EYS: variants seen among roughly 807,000 people sequenced by gnomAD.
EYS encodes the protein EGF-like photoreceptor maintenance factor.
EYS carries 250 observed loss-of-function variants against 282.1 expected under a neutral mutation model. The observed-to-expected ratio is 0.89, with a 90% CI of 0.80 to 0.98. EYS has a LOEUF of 0.98. EYS is among the 50% of genes least tolerant of loss of function. The probability of loss-of-function intolerance (pLI) is 0.00; values close to 1 mark genes in which losing one functional copy is unlikely to be tolerated. For synonymous variants in EYS, 1,355 were observed against 1,282.9 expected, an observed-to-expected ratio of 1.06 and a Z score of -1.20; for missense variants, 4,016 against 3,709.0, an observed-to-expected ratio of 1.08 and a Z score of -2.15.
At chr6:64,464,995 A>G (rs1775870928) in intron 26 of EYS, among the ~76,000 whole-genome samples, 1 of 151,980 alleles carries the variant, frequency 6.6e-6, no homozygotes, top group African/African-American at 2.4e-5. Flanking sequence ...TTGTTACAAA[A>G]TAAATAAATG....
chr6:64,057,545 T>C (rs1442828277), intron 33 of EYS, among the ~76,000 whole-genome samples: 1 of 152,164 alleles, frequency 6.6e-6, no homozygotes. Context: ...ACATTTCATT[T>C]TTAAAAAGTA....
At chr6:64,418,711 T>G (rs2150449286) in intron 28 of EYS, among the ~76,000 whole-genome samples, 1 of 152,294 alleles carries the variant, frequency 6.6e-6, no homozygotes, top group South Asian at 2.1e-4. Context: ...CATACCTGAG[T>G]TATTGGCAGA....
chr6:65,332,641 G>T (rs546702599), intron 11 of EYS, among the ~76,000 whole-genome samples: 165 of 151,306 alleles, frequency 1.1e-3, no homozygotes, highest in Non-Finnish European at 1.8e-3. Context: ...TGTAATATTG[G>T]CCTCATAAAA....
intron 1 of EYS, among the ~76,000 whole-genome samples, chr6:65,660,437 G>C (rs1222432561): frequency 6.6e-6 from 1 of 151,732 alleles, no homozygotes; most frequent in Non-Finnish European, 1.5e-5. Flanking sequence ...TCATAGGTAA[G>C]GAGTGGAAAA....
chr6:64,987,310 T>C (rs1770891240), intron 14 of EYS, among the ~76,000 whole-genome samples: 1 of 151,528 alleles, frequency 6.6e-6, no homozygotes, highest in African/African-American at 2.4e-5. Context: ...GAAACATAAA[T>C]CACTGTGGCT....
intron 28 of EYS, among the ~76,000 whole-genome samples, chr6:64,416,713 A>T (rs563305111): frequency 6.6e-6 from 1 of 152,270 alleles, no homozygotes; most frequent in Admixed American, 6.5e-5. Flanking sequence ...TTTTTGAGAC[A>T]TTAATGGTAC....
rs191846522 is a variant in EYS at position 63,778,167 on chromosome 6, A to G, written c.7737T>C (p.Thr2579=). The G allele has an allele frequency of 2.3e-3, 3,607 of 1,551,846 alleles. 4 individuals carry two copies. Among genetic ancestry groups the G allele is most frequent in the Non-Finnish European group, 3.0e-3 (3,416 of 1,146,920 alleles). The change falls in exon 40 of 43, where the codon ACT becomes ACC. Residue 2579 remains threonine, a synonymous_variant. Transcript: ENST00000503581. ...FKNGFQGCIF[T]LQVRTEKDGH... is the part of the protein sequence containing the mutation. Reference sequence around the variant, plus strand: ...CATCCTTCTCAGTGCGAACTTGAAGAGTGAAAATACAGCCTTGAAGAAATG... The same window carrying G: ...CATCCTTCTCAGTGCGAACTTGAAGGGTGAAAATACAGCCTTGAAGAAATG...
chr6:65,620,664 T>C (rs1766440528), intron 2 of EYS, among the ~76,000 whole-genome samples: 1 of 150,864 alleles, frequency 6.6e-6, no homozygotes, highest in Non-Finnish European at 1.5e-5. Flanking sequence ...ATTTTGGATC[T>C]TTCCTGCTTT....
intron 13 of EYS, among the ~76,000 whole-genome samples, chr6:65,055,508 A>G (rs1281999048): frequency 6.6e-6 from 1 of 151,922 alleles, no homozygotes; most frequent in East Asian, 1.9e-4. Flanking sequence ...TCTGTACTTT[A>G]TTTGTATTTC....
chr6:64,072,075 C>A (rs1224659100), intron 32 of EYS, among the ~76,000 whole-genome samples: 3 of 151,822 alleles, frequency 2.0e-5, no homozygotes, highest in African/African-American at 7.3e-5. Context: ...AATATAAATT[C>A]AGTATGAGAG....
chr6:64,965,367 C>T (rs1193292219), intron 14 of EYS, among the ~76,000 whole-genome samples: 2 of 151,398 alleles, frequency 1.3e-5, no homozygotes, highest in Admixed American at 1.3e-4. Context: ...TGTTTATAGG[C>T]CTTTTTGTCC....
chr6:63,904,472 A>G (rs1773728664), intron 35 of EYS, among the ~76,000 whole-genome samples: 2 of 152,256 alleles, frequency 1.3e-5, no homozygotes, highest in South Asian at 4.1e-4. Context: ...AAGCATGCAC[A>G]CTCAACCTGG....
intron 12 of EYS, among the ~76,000 whole-genome samples, chr6:65,246,207 C>T (rs1206258098): frequency 6.6e-6 from 1 of 152,066 alleles, no homozygotes; most frequent in African/African-American, 2.4e-5. Context: ...TAGATTATTG[C>T]ACTGATTCCT....
At chr6:65,457,330 A>G (rs1376940381) in intron 5 of EYS, among the ~76,000 whole-genome samples, 1 of 151,870 alleles carries the variant, frequency 6.6e-6, no homozygotes, top group Non-Finnish European at 1.5e-5. Flanking sequence ...ATGCTCAGCT[A>G]ATTCTTTTTT....
intron 30 of EYS, among the ~76,000 whole-genome samples, chr6:64,242,290 A>T (rs1408299892): frequency 6.6e-6 from 1 of 151,930 alleles, no homozygotes. Context: ...TATTATTGTG[A>T]TCATAGAGAA....
chr6:65,299,794 T>TTA, intron 11 of EYS, among the ~76,000 whole-genome samples: 1 of 152,220 alleles, frequency 6.6e-6, no homozygotes, highest in Non-Finnish European at 1.5e-5. Flanking sequence ...TATTACTTAA[T>TTA]AAAAAAGCAC....
At chr6:65,363,998 T>A (rs1009503649) in intron 8 of EYS, among the ~76,000 whole-genome samples, 4 of 151,420 alleles carry the variant, frequency 2.6e-5, no homozygotes, top group African/African-American at 9.7e-5. Flanking sequence ...TTATTGGGGC[T>A]TTATAATTAA....
intron 12 of EYS, among the ~76,000 whole-genome samples, chr6:65,249,067 G>GAA (rs530669573): frequency 5.7e-5 from 7 of 122,042 alleles, no homozygotes; most frequent in African/African-American, 1.2e-4. Context: ...ACTGACAAGT[G>GAA]AAAAAAAAAA....
intron 31 of EYS, among the ~76,000 whole-genome samples, chr6:64,117,617 T>A (rs1195863684): frequency 2.0e-5 from 3 of 147,200 alleles, no homozygotes; most frequent in South Asian, 2.1e-4. Flanking sequence ...CCTAGAAAAA[T>A]GAAAAAAATC....
Sources: gnomAD v4.1 joint callset for allele counts (sites outside exome capture counted in the v4.1 genomes callset) on GRCh38, gnomAD v4.1.1 for gene constraint, MANE v1.5 for transcripts, NCBI Gene and HGNC (gene_info 2026-07-23, HGNC 2026-07-21) for gene names.